ZRANB3: variants seen among roughly 807,000 people sequenced by gnomAD.
The protein encoded by ZRANB3 is zinc finger RANBP2-type containing 3.
In ZRANB3, 125 loss-of-function variants were observed where a neutral mutation model predicts 133.8. That is an observed-to-expected ratio of 0.93 (90% CI 0.81 to 1.08). ZRANB3 has a LOEUF of 1.08. ZRANB3 is among the 50% of genes least tolerant of loss of function. The pLI, the probability that ZRANB3 is intolerant of heterozygous loss-of-function variation, is 0.00. For missense variants in ZRANB3, 1,229 were observed against 1,275.5 expected (o/e 0.96, Z 0.56); for synonymous variants, 387 against 432.7 (o/e 0.89, Z 1.31).
At chr2:135,207,881 G>C (rs1299854937) in intron 18 of ZRANB3, 45 bp from the exon 19 acceptor site, 1 of 1,525,604 alleles carries the variant, frequency 6.6e-7, no homozygotes, top group South Asian at 1.2e-5. Flanking sequence ...TGAATGATTA[G>C]GCTAAATAGT....
chr2:135,244,604 C>T (rs1427186027), intron 12 of ZRANB3, among the ~76,000 whole-genome samples: 2 of 145,984 alleles, frequency 1.4e-5, no homozygotes, highest in Admixed American at 6.8e-5. Flanking sequence ...CATACTCCAT[C>T]TCAAAAATAA....
chr2:135,362,405 T>C (rs1378127935), intron 3 of ZRANB3, among the ~76,000 whole-genome samples: 1 of 152,078 alleles, frequency 6.6e-6, no homozygotes, highest in Admixed American at 6.6e-5. Flanking sequence ...GGAGCAGGCT[T>C]TCTCTTGAAG....
intron 2 of ZRANB3, among the ~76,000 whole-genome samples, chr2:135,426,234 A>C (rs1689059925): frequency 6.6e-6 from 1 of 152,152 alleles, no homozygotes; most frequent in East Asian, 1.9e-4. Flanking sequence ...AGAAGAATTG[A>C]CAGCCAAATT....
At chr2:135,340,871 A>G (rs1336510690) in intron 6 of ZRANB3, among the ~76,000 whole-genome samples, 1 of 149,698 alleles carries the variant, frequency 6.7e-6, no homozygotes, top group Non-Finnish European at 1.5e-5. Flanking sequence ...AAACAGTAAA[A>G]TCTTTATAAT....
chr2:135,401,595 G>A (rs1338486625), intron 2 of ZRANB3, among the ~76,000 whole-genome samples: 1 of 152,180 alleles, frequency 6.6e-6, no homozygotes, highest in Non-Finnish European at 1.5e-5. Context: ...ACATAACTAG[G>A]TGGTGATTCT....
chr2:135,297,455 A>G (rs896202724), intron 8 of ZRANB3, among the ~76,000 whole-genome samples: 3 of 151,996 alleles, frequency 2.0e-5, no homozygotes, highest in African/African-American at 7.3e-5. Flanking sequence ...GAGTGACCCA[A>G]TTTTCCAGGT....
At chr2:135,472,497 C>CAAA (rs35241215) in intron 2 of ZRANB3, among the ~76,000 whole-genome samples, 5 of 61,966 alleles carry the variant, frequency 8.1e-5, no homozygotes, top group Admixed American at 3.2e-4. Context: ...GACTCGGTCT[C>CAAA]AAAAAAAAAA....
intron 12 of ZRANB3, among the ~76,000 whole-genome samples, chr2:135,245,947 A>AAAAAAAAAAAAAAAAAAAAAAAG (rs1553461041): frequency 1.4e-5 from 2 of 145,382 alleles, no homozygotes; most frequent in African/African-American, 2.6e-5. Context: ...AAAAAAAAAA[A>AAAAAAAAAAAAAAAAAAAAAAAG]AGAGACAGGG....
At chr2:135,500,198 T>C (rs1574211196) in intron 2 of ZRANB3, among the ~76,000 whole-genome samples, 1 of 150,564 alleles carries the variant, frequency 6.6e-6, no homozygotes, top group South Asian at 2.1e-4. Context: ...GCTTTTATGA[T>C]AGTCCTAGCA....
chr2:135,361,958 G>A (rs550092137), intron 3 of ZRANB3, among the ~76,000 whole-genome samples: 1 of 152,144 alleles, frequency 6.6e-6, no homozygotes, highest in East Asian at 1.9e-4. Flanking sequence ...CAGCACTTTG[G>A]GAGGCCAAGG....
At chr2:135,495,331 C>T (rs1412422749) in intron 2 of ZRANB3, among the ~76,000 whole-genome samples, 1 of 152,112 alleles carries the variant, frequency 6.6e-6, no homozygotes, top group African/African-American at 2.4e-5. Context: ...TTAAAAAACA[C>T]ATACTATATT....
intron 3 of ZRANB3, among the ~76,000 whole-genome samples, chr2:135,372,704 G>A (rs1686237293): frequency 1.3e-5 from 2 of 151,278 alleles, no homozygotes; most frequent in South Asian, 4.2e-4. Context: ...GGAGAATGGT[G>A]TGAACCCGGG....
chr2:135,375,719 G>A (rs192989407), intron 3 of ZRANB3, among the ~76,000 whole-genome samples: 75 of 151,674 alleles, frequency 4.9e-4, no homozygotes, highest in Admixed American at 6.6e-5. Flanking sequence ...GGCCGGGGTG[G>A]TGGAGCATGC....
At chr2:135,385,307 G>A (rs944256092) in intron 3 of ZRANB3, among the ~76,000 whole-genome samples, 1 of 152,094 alleles carries the variant, frequency 6.6e-6, no homozygotes. Flanking sequence ...CCTCTTCAAG[G>A]AGAACTACAA....
chr2:135,336,405 T>C (rs901649994), intron 6 of ZRANB3, among the ~76,000 whole-genome samples: 1 of 152,214 alleles, frequency 6.6e-6, no homozygotes, highest in Non-Finnish European at 1.5e-5. Context: ...TCTGCAAAAT[T>C]ATAGTGTGAA....
intron 14 of ZRANB3, among the ~76,000 whole-genome samples, chr2:135,227,606 A>G (rs1470467599): frequency 6.6e-6 from 1 of 152,186 alleles, no homozygotes; most frequent in Non-Finnish European, 1.5e-5. Context: ...GTTTTGCTCT[A>G]TGTGTAATGT....
At chr2:135,228,360 CAA>C (rs1162923866) in intron 13 of ZRANB3, 1 of 179,318 alleles carries the variant, frequency 5.6e-6, no homozygotes, top group Non-Finnish European at 1.1e-5. Context: ...ACTACTATAG[CAA>C]AAGTCATGAG....
At chr2:135,403,288 G>T (rs1687829521) in intron 2 of ZRANB3, among the ~76,000 whole-genome samples, 1 of 152,162 alleles carries the variant, frequency 6.6e-6, no homozygotes, top group African/African-American at 2.4e-5. Flanking sequence ...CTTAGCAAAT[G>T]GCACACCAGG....
chr2:135,393,389 T>C (rs1051581053), intron 2 of ZRANB3, among the ~76,000 whole-genome samples: 2 of 152,080 alleles, frequency 1.3e-5, no homozygotes, highest in African/African-American at 4.8e-5. Flanking sequence ...ATGATCATTA[T>C]TGACAGCTAA....
Sources: gnomAD v4.1 joint callset for allele counts (sites outside exome capture counted in the v4.1 genomes callset) on GRCh38, gnomAD v4.1.1 for gene constraint, MANE v1.5 for transcripts, NCBI Gene and HGNC (gene_info 2026-07-23, HGNC 2026-07-21) for gene names.